The following TXLNB variants were observed in gnomAD, a reference collection of about 807,000 sequenced individuals.
The protein encoded by TXLNB is taxilin beta, also known as beta-taxilin.
In TXLNB, 37 loss-of-function variants were observed where a neutral mutation model predicts 57.4. That is an observed-to-expected ratio of 0.64 (90% confidence interval 0.50 to 0.85). The LOEUF is 0.85. Ranked by LOEUF, TXLNB falls within the 40% of genes least tolerant of loss-of-function variation. The pLI, the probability that TXLNB is intolerant of heterozygous loss-of-function variation, is 0.00. For synonymous variants in TXLNB, 302 were observed against 309.6 expected (o/e 0.98, Z 0.26); for missense variants, 848 against 825.6 (o/e 1.03, Z -0.33).
chr6:139,286,584 A>T (rs1777180862), intron 2 of TXLNB, among the ~76,000 whole-genome samples: 1 of 152,192 alleles, frequency 6.6e-6, no homozygotes, highest in African/African-American at 2.4e-5. Context: ...GTGAGGTACC[A>T]GTCCGTGGCC....
the TXLNB span, among the ~76,000 whole-genome samples, chr6:139,200,571 G>A: frequency 1.3e-5 from 2 of 152,184 alleles, no homozygotes; most frequent in Non-Finnish European, 2.9e-5. Flanking sequence ...GATGAGTCAG[G>A]AGGTAAGAGA....
At chr6:139,260,050 C>T (rs1389873905) in intron 6 of TXLNB, among the ~76,000 whole-genome samples, 2 of 152,122 alleles carry the variant, frequency 1.3e-5, no homozygotes, top group Admixed American at 1.3e-4. Flanking sequence ...TGGTGAAACC[C>T]TGTCTCTACT....
At chr6:139,230,811 A>C in the TXLNB span, among the ~76,000 whole-genome samples, 1 of 152,244 alleles carries the variant, frequency 6.6e-6, no homozygotes, top group African/African-American at 2.4e-5. Context: ...AAAGAGGATT[A>C]GTTGAGCAAA....
At chr6:139,303,874 T>A in the TXLNB span, among the ~76,000 whole-genome samples, 4 of 150,290 alleles carry the variant, frequency 2.7e-5, no homozygotes, top group South Asian at 4.2e-4. Flanking sequence ...TTTTTTTTTT[T>A]AAACTAAAAG....
chr6:139,296,137 T>G (rs1195378827), upstream of TXLNB, among the ~76,000 whole-genome samples: 1 of 152,162 alleles, frequency 6.6e-6, no homozygotes, highest in South Asian at 2.1e-4. Flanking sequence ...TTTACCTCTC[T>G]CCTGTTGCCT....
At chr6:139,249,646 TCAAA>T (rs1266369101) in intron 7 of TXLNB, among the ~76,000 whole-genome samples, 2 of 151,992 alleles carry the variant, frequency 1.3e-5, no homozygotes, top group South Asian at 2.1e-4. Flanking sequence ...TATGTATGAG[TCAAA>T]CAACCCCTAG....
chr6:139,223,613 A>G, the TXLNB span, among the ~76,000 whole-genome samples: 1 of 151,772 alleles, frequency 6.6e-6, no homozygotes, highest in Non-Finnish European at 1.5e-5. Context: ...AAAACAAACA[A>G]CCCCATCAAA....
chr6:139,195,230 A>G, the TXLNB span, among the ~76,000 whole-genome samples: 4 of 152,146 alleles, frequency 2.6e-5, no homozygotes, highest in African/African-American at 9.7e-5. Flanking sequence ...TATGCCTCCC[A>G]TGTCCACTTT....
chr6:139,226,327 AG>A, the TXLNB span, among the ~76,000 whole-genome samples: 8 of 83,994 alleles, frequency 9.5e-5, no homozygotes, highest in South Asian at 4.8e-4. Flanking sequence ...AAAAAAAAAA[AG>A]AGATAGAGAG....
chr6:139,267,369 C>T (rs1776642259), intron 4 of TXLNB, among the ~76,000 whole-genome samples: 1 of 152,052 alleles, frequency 6.6e-6, no homozygotes, highest in African/African-American at 2.4e-5. Context: ...GTAAATTGAT[C>T]TATTTAGTTG....
chr6:139,252,258 T>C (rs1234052287), intron 7 of TXLNB, among the ~76,000 whole-genome samples: 2 of 152,246 alleles, frequency 1.3e-5, no homozygotes, highest in African/African-American at 4.8e-5. Flanking sequence ...GCCTTGGCCT[T>C]GGCCTCCTGC....
the TXLNB span, among the ~76,000 whole-genome samples, chr6:139,304,533 G>A: frequency 2.0e-5 from 3 of 152,298 alleles, no homozygotes; most frequent in East Asian, 3.9e-4. Context: ...GACGAGCAAG[G>A]TTATCAACCA....
rs1269838195 is a variant in TXLNB at position 139,262,581 on chromosome 6, C to T, written c.880G>A (p.Glu294Lys). The T allele has an allele frequency of 1.2e-6, 2 of 1,611,792 alleles. No individual in the cohort carries two copies. Among genetic ancestry groups the T allele is most frequent in the Non-Finnish European group, 1.7e-6 (2 of 1,178,984 alleles). Residue 294 changes from glutamate (E) to lysine (K), a missense_variant and splice_region_variant, in exon 5 of 10, where the codon GAG (glutamate) becomes AAG (lysine). Transcript: ENST00000358430. ...SIIDQYELRE[E>K]HLDKIFKHRE... Reference sequence around the variant, plus strand: ...AAGTTGTTTGATGTGGTTCTCACCTCCTCTCTGAGCTCATACTGATCGATG... The same window carrying T: ...AAGTTGTTTGATGTGGTTCTCACCTTCTCTCTGAGCTCATACTGATCGATG...
chr6:139,226,302 C>CTA, the TXLNB span, among the ~76,000 whole-genome samples: 1 of 39,248 alleles, frequency 2.5e-5, no homozygotes, highest in East Asian at 9.4e-4. Flanking sequence ...GACCCTGTCT[C>CTA]AAAAAAAAAA....
At chr6:139,272,578 A>G (rs1030764411) in intron 3 of TXLNB, among the ~76,000 whole-genome samples, 2 of 152,232 alleles carry the variant, frequency 1.3e-5, no homozygotes, top group African/African-American at 4.8e-5. Context: ...TGAAATAGAT[A>G]TCCTCCTTGG....
chr6:139,263,526 C>T (rs575289177), intron 4 of TXLNB, among the ~76,000 whole-genome samples: 1 of 152,140 alleles, frequency 6.6e-6, no homozygotes, highest in African/African-American at 2.4e-5. Flanking sequence ...ATCTAATTTT[C>T]CTTCTTCCGC....
chr6:139,275,786 TCTTCAAAATAAAAAA>T (rs1338148394), intron 3 of TXLNB, among the ~76,000 whole-genome samples: 2 of 152,222 alleles, frequency 1.3e-5, no homozygotes, highest in Non-Finnish European at 2.9e-5. Flanking sequence ...TTGGAGGCCC[TCTTCAAAATAAAAAA>T]TTAAAGAGAA....
intron 2 of TXLNB, among the ~76,000 whole-genome samples, chr6:139,278,139 A>G (rs1424005756): frequency 2.0e-5 from 3 of 152,108 alleles, no homozygotes; most frequent in Non-Finnish European, 4.4e-5. Flanking sequence ...ATCCAGACTA[A>G]CCGGTTAATT....
intron 2 of TXLNB, among the ~76,000 whole-genome samples, chr6:139,287,499 G>A (rs1164397937): frequency 6.6e-6 from 1 of 152,178 alleles, no homozygotes; most frequent in East Asian, 1.9e-4. Flanking sequence ...CTACCACATA[G>A]TCTTCCAGAA....
Sources: gnomAD v4.1 joint callset for allele counts (sites outside exome capture counted in the v4.1 genomes callset) on GRCh38, gnomAD v4.1.1 for gene constraint, MANE v1.5 for transcripts, NCBI Gene and HGNC (gene_info 2026-07-23, HGNC 2026-07-21) for gene names.